Variants in CDK10 observed in about 807,000 individuals in gnomAD.
CDK10 encodes cyclin dependent kinase 10, also known as cyclin-dependent kinase 10.
Under a neutral mutation model 51.0 loss-of-function variants are expected in CDK10, and 55 were observed. The ratio of observed to expected loss-of-function variants is 1.08; its 90% confidence interval spans 0.87 to 1.35. The LOEUF (loss-of-function observed/expected upper bound fraction) is 1.35. Among genes scored for constraint, CDK10 ranks in the 40% most tolerant of loss-of-function variants. CDK10 has a pLI of 0.00. For synonymous variants in CDK10, 255 were observed against 199.1 expected (o/e 1.28, Z -2.36); for missense variants, 589 against 485.1 (o/e 1.21, Z -2.01).
At chr16:89,693,214 G>C (rs552411412) in intron 6 of CDK10, 60 bp from the exon 7 acceptor site, 4 of 1,481,534 alleles carry the variant, frequency 2.7e-6, no homozygotes, top group Non-Finnish European at 3.8e-6. Context: ...TGGTGCCGTG[G>C]GGGAGCTCTC....
intron 11 of CDK10, 52 bp from the exon 12 acceptor site, chr16:89,695,241 A>C (rs1192960042): frequency 6.4e-7 from 1 of 1,570,700 alleles, no homozygotes; most frequent in Non-Finnish European, 8.7e-7. Context: ...GCTGGGTGGG[A>C]GGTGAGGAAG....
At chr16:89,695,476 G>T in intron 12 of CDK10, 119 bp from the exon 13 acceptor site, 1 of 1,448,228 alleles carries the variant, frequency 6.9e-7, no homozygotes. Context: ...GAGGACAGGG[G>T]CATGTGGAGG....
At position 89,695,763 on chromosome 16, in the gene CDK10, C is replaced by T. The variant is rs766858927; in HGVS notation, c.*71C>T. ...TCAGTGGTGTCTGTGAAGGGTGCCG[C>T]GAGCCAGGCTGACCAGGCGCCCGGG... On this transcript the variant is annotated 3_prime_UTR_variant, in exon 13 of 13. Coordinates refer to ENST00000353379, the MANE Select transcript of CDK10 (RefSeq NM_052988.5). The T allele has an allele frequency of 2.3e-5, 37 of 1,586,754 alleles. No homozygotes were observed. Among genetic ancestry groups the T allele is most frequent in the Non-Finnish European group, 2.8e-5 (33 of 1,169,572 alleles).
chr16:89,692,887 C>G (rs1394535086), intron 6 of CDK10, among the ~76,000 whole-genome samples: 9 of 121,276 alleles, frequency 7.4e-5, no homozygotes, highest in Non-Finnish European at 1.3e-4. Flanking sequence ...CCTGTGATCC[C>G]AGCACTTTGG....
chr16:89,690,704 C>G (rs139668375), intron 3 of CDK10, 80 bp downstream of exon 3: 9 of 1,240,304 alleles, frequency 7.3e-6, no homozygotes, highest in Non-Finnish European at 1.1e-5. Flanking sequence ...TTCCTCAGAG[C>G]GACTGCACGG....
Position 89,686,727 on chromosome 16 carries a change from T to A in CDK10, c.17T>A (p.Leu6Gln), listed in dbSNP as rs912477466. The A allele has an allele frequency of 1.2e-6, 2 of 1,608,640 alleles. No homozygotes were observed. Among genetic ancestry groups the A allele is most frequent in the African/African-American group, 1.3e-5 (1 of 74,716 alleles). MAEPD[L>Q]ECEQIRLKCI... ...GCGCTCGGCATGGCGGAGCCAGATC[T>A]GGAGTGCGAGCAGATCCGTCTGAAG... is the stretch of plus-strand genomic sequence containing the variant. Residue 6 changes from leucine (L) to glutamine (Q), a missense_variant, in exon 1 of 13, where the codon CTG becomes CAG. Coordinates refer to ENST00000353379, the MANE Select transcript of CDK10 (RefSeq NM_052988.5).
intron 1 of CDK10, chr16:89,687,646 G>A (rs1044337685): frequency 4.5e-6 from 2 of 442,596 alleles, no homozygotes; most frequent in South Asian, 3.1e-5. Context: ...TCAGTGCATC[G>A]TCAGCCTCCT....
chr16:89,694,892 TGCCCACGCCCTCTGC>T (rs774237287), intron 10 of CDK10, 24 bp from the exon 11 acceptor site: 28 of 1,334,478 alleles, frequency 2.1e-5, no homozygotes, highest in Admixed American at 4.4e-5. Flanking sequence ...CCCCCGCCCG[TGCCCACGCCCTCTGC>T]GCCTCAGCTC....
Position 89,695,664 on chromosome 16 carries a change from AG to A in CDK10, c.1058del (p.Gly353AlafsTer29). 1 of 1,602,698 alleles carries A rather than the reference AG, an allele frequency of 6.2e-7. No homozygotes were observed. ...AAGCGGGCCGCCCCAGCCACCTCCG[AG>A]GGCCAGAGCAAGCGCTGTAAACCCT... ...RNKRAAPATS[E>X]GQSKRCKP On this transcript the variant is annotated frameshift_variant, in exon 13 of 13. Transcript: ENST00000353379. LOFTEE classifies it high-confidence loss of function.
At chr16:89,689,386 C>G (rs2060341276) in intron 2 of CDK10, 62 bp downstream of exon 2, 1 of 1,478,774 alleles carries the variant, frequency 6.8e-7, no homozygotes, top group African/African-American at 1.4e-5. Flanking sequence ...TGGGACGAGA[C>G]TGTCGAAGCA....
intron 7 of CDK10, 29 bp from the exon 8 acceptor site, chr16:89,693,369 G>T: frequency 6.2e-7 from 1 of 1,614,112 alleles, no homozygotes; most frequent in Non-Finnish European, 8.5e-7. Flanking sequence ...GATGGCACTT[G>T]GTGACACACA....
Position 89,690,618 on chromosome 16 carries a change from A to G in CDK10, c.226A>G (p.Lys76Glu). 6.2e-7 allele frequency: 1 copy of G among 1,613,798 alleles called. No individual in the cohort carries two copies. Among genetic ancestry groups the G allele is most frequent in the Non-Finnish European group, 8.5e-7 (1 of 1,179,788 alleles). The change falls in exon 3 of 13, where the codon AAG (lysine) becomes GAG (glutamate). Residue 76 changes from lysine to glutamate, a missense_variant. By Grantham distance (56) the Lys-to-Glu change is moderately conservative. Coordinates refer to ENST00000353379, the MANE Select transcript of CDK10 (RefSeq NM_052988.5). ...GAAGAAGGTGCGGATGGACAAGGAGAAGGATGGTGAGCAGGAAATTGGGGT... is the reference window on the plus strand; with the variant it reads ...GAAGAAGGTGCGGATGGACAAGGAGGAGGATGGTGAGCAGGAAATTGGGGT... ...ALKKVRMDKE[K>E]DGIPISSLRE...
At chr16:89,695,385 G>C (rs746551434) in intron 12 of CDK10, 40 bp downstream of exon 12, 7 of 1,596,054 alleles carry the variant, frequency 4.4e-6, no homozygotes, top group Non-Finnish European at 6.0e-6. Context: ...GTGGGGTATG[G>C]CTGGGAGCCC....
intron 1 of CDK10, among the ~76,000 whole-genome samples, chr16:89,687,968 CTGGGAGGCTGAGG>C (rs373930791): frequency 6.6e-6 from 1 of 151,210 alleles, no homozygotes; most frequent in Admixed American, 6.6e-5. Context: ...TCTCAGCAAT[CTGGGAGGCTGAGG>C]TGGGAGGATT....
In CDK10 at chr16:89,690,322, G is replaced by C. The variant is rs886172177; in HGVS notation, c.161-231G>C. ...CTGAGTGGCTGGAGGCCAGGGTCCA[G>C]CACAGAGCAAAGTTGGGCACCCCCT... On this transcript the variant is annotated intron_variant, in intron 2 of 12. Transcript: ENST00000353379. 19 of 574,230 alleles carry C rather than the reference G, an allele frequency of 3.3e-5. No individual in the cohort carries two copies. The South Asian group carries it at 3.4e-4, about 10-fold the overall frequency. 35.6% of individuals were successfully genotyped at this position (574,230 alleles called of 1,614,324 possible).
chr16:89,695,297 A>G lies in CDK10; in HGVS notation c.937A>G (p.Thr313Ala), dbSNP rs1273112141. Residue 313 changes from threonine (T) to alanine (A), a missense_variant, in exon 12 of 13, where the codon ACG (threonine) becomes GCG (alanine). Transcript: ENST00000353379. ...LFMYDPKKRA[T>A]AGDCLESSYF... is the part of the protein sequence containing the mutation. The stretch of plus-strand genomic sequence containing the variant: ...AACGCAGGCTGCCTCCTCCAGGGCG[A>G]CGGCCGGGGACTGCCTGGAGAGCTC... 2 of 1,610,556 alleles carry G rather than the reference A, an allele frequency of 1.2e-6. No individual in the cohort carries two copies. Among genetic ancestry groups the G allele is most frequent in the Non-Finnish European group, 1.7e-6 (2 of 1,177,972 alleles).
At chr16:89,692,802 C>A in intron 6 of CDK10, 1 of 296,548 alleles carries the variant, frequency 3.4e-6, no homozygotes, top group Non-Finnish European at 6.3e-6. Context: ...TTTAAAAGGT[C>A]CAAACATCAA....
intron 8 of CDK10, 148 bp downstream of exon 8, chr16:89,693,615 G>C (rs947748214): frequency 1.3e-6 from 1 of 763,824 alleles, no homozygotes; most frequent in Non-Finnish European, 2.2e-6. Flanking sequence ...GTCTAGGACA[G>C]CCTCCAGGAC....
At position 89,692,446 on chromosome 16, in the gene CDK10, C is replaced by T; in HGVS notation, c.418-3C>T. ...TGACTGGTACCTCTGACCCTCTGCA[C>T]AGGTCAAGTGCATCGTGCTGCAGGT... On this transcript the variant is annotated splice_region_variant and splice_polypyrimidine_tract_variant and intron_variant, in intron 5 of 12. Coordinates refer to ENST00000353379, the MANE Select transcript of CDK10 (RefSeq NM_052988.5). 1 of 1,578,328 alleles carries T rather than the reference C, an allele frequency of 6.3e-7. No homozygotes were observed. Among genetic ancestry groups the T allele is most frequent in the Non-Finnish European group, 8.6e-7 (1 of 1,162,996 alleles).
Sources: gnomAD v4.1 joint callset for allele counts (sites outside exome capture counted in the v4.1 genomes callset) on GRCh38, gnomAD v4.1.1 for gene constraint, MANE v1.5 for transcripts, NCBI Gene and HGNC (gene_info 2026-07-23, HGNC 2026-07-21) for gene names.